Variants in MPPED2 observed in about 807,000 individuals in gnomAD.
MPPED2 encodes the protein metallophosphoesterase domain containing 2.
Under a neutral mutation model 33.0 loss-of-function variants are expected in MPPED2, and 5 were observed. The ratio of observed to expected loss-of-function variants is 0.15; its 90% CI spans 0.08 to 0.32. MPPED2 has a LOEUF of 0.32. MPPED2 is among the 10% of genes least tolerant of loss of function. The pLI is 1.00. For missense variants in MPPED2, 275 were observed against 372.1 expected, an observed-to-expected ratio of 0.74 and a Z score of 2.15; for synonymous variants, 136 against 141.9, an observed-to-expected ratio of 0.96 and a Z score of 0.29.
At chr11:30,554,380 G>A (rs1165693122) in intron 2 of MPPED2, among the ~76,000 whole-genome samples, 3 of 152,078 alleles carry the variant, frequency 2.0e-5, no homozygotes, top group Non-Finnish European at 4.4e-5. Flanking sequence ...ACAACTCCAG[G>A]GACTGCAGTA....
chr11:30,460,984 A>G (rs1006706064), intron 4 of MPPED2, among the ~76,000 whole-genome samples: 1 of 152,248 alleles, frequency 6.6e-6, no homozygotes, highest in African/African-American at 2.4e-5. Flanking sequence ...CCATGTGTCC[A>G]TTGACGAATG....
At chr11:30,519,307 C>T (rs531470929) in intron 3 of MPPED2, among the ~76,000 whole-genome samples, 1 of 151,700 alleles carries the variant, frequency 6.6e-6, no homozygotes, top group Non-Finnish European at 1.5e-5. Flanking sequence ...CGTACACACA[C>T]AAAAAAGTAT....
At chr11:30,583,855 T>G (rs1409306061) in intron 1 of MPPED2, among the ~76,000 whole-genome samples, 1 of 152,166 alleles carries the variant, frequency 6.6e-6, no homozygotes, top group Non-Finnish European at 1.5e-5. Flanking sequence ...TGCCCCAAGA[T>G]CTCCAGACCG....
chr11:30,443,812 GA>G (rs1220927718), intron 4 of MPPED2, among the ~76,000 whole-genome samples: 3 of 152,092 alleles, frequency 2.0e-5, no homozygotes, highest in Non-Finnish European at 4.4e-5. Context: ...CTCACCATAC[GA>G]ATGACTGCAT....
In MPPED2 at chr11:30,586,117, C is replaced by T. The variant is rs1448820063; in HGVS notation, c.-197G>A. The stretch of plus-strand genomic sequence containing the variant: ...GCAGGCGATCCATAGCCGAGCGGCC[C>T]GAGCCGGCTGGAGGAGCGCTGGGGG... On this transcript the variant is annotated 5_prime_UTR_variant, in exon 1 of 7. Coordinates refer to ENST00000358117, the MANE Select transcript of MPPED2 (RefSeq NM_001584.3). The surrounding 1 kb of genome is among the most constrained non-coding windows in gnomAD (Gnocchi z 4.8). The T allele has an allele frequency of 6.6e-6, 1 of 152,350 alleles. No individual in the cohort carries two copies. The highest frequency in any genetic ancestry group is 6.5e-5 in the Admixed American group (1 of 15,278). 9.4% of individuals were successfully genotyped at this position (152,350 alleles called of 1,614,324 possible). A position where few individuals can be genotyped will look rare whatever the true frequency, so the allele number is the denominator to read the frequency against.
intron 3 of MPPED2, among the ~76,000 whole-genome samples, chr11:30,533,931 C>T (rs192358609): frequency 4.1e-4 from 62 of 152,252 alleles, no homozygotes; most frequent in Non-Finnish European, 7.8e-4. Context: ...TAAATAATTC[C>T]TCTGGCCTCT....
At chr11:30,584,999 G>A (rs1957393904) in intron 1 of MPPED2, 1 of 152,394 alleles carries the variant, frequency 6.6e-6, no homozygotes, top group South Asian at 2.1e-4. Context: ...GTGTGTGAGA[G>A]GGGGGTGGTG....
intron 3 of MPPED2, among the ~76,000 whole-genome samples, chr11:30,507,960 A>G (rs1316954281): frequency 1.3e-5 from 2 of 152,084 alleles, no homozygotes; most frequent in East Asian, 3.9e-4. Flanking sequence ...GGTCTATTTT[A>G]CTTTCTACAT....
rs557286641 is a variant in MPPED2, at chr11:30,445,998, G to C, written c.537-28365C>G. Among the ~76,000 whole-genome samples, 3 of 152,324 alleles carry C rather than the reference G, an allele frequency of 2.0e-5. No homozygotes were observed. In the East Asian group the frequency reaches 5.8e-4, roughly 29 times the overall value. ...TGTCACTATTACCATCTCTAAAGTG[G>C]TGACAGTGGCATGTGTACATGTGTA... On this transcript the variant is annotated intron_variant, in intron 4 of 6. Coordinates refer to ENST00000358117, the MANE Select transcript of MPPED2 (RefSeq NM_001584.3).
chr11:30,479,835 AAGAG>A (rs1012139937), intron 4 of MPPED2, among the ~76,000 whole-genome samples: 19 of 152,140 alleles, frequency 1.2e-4, no homozygotes, highest in African/African-American at 1.9e-4. Flanking sequence ...AAATAAAAAA[AAGAG>A]AGAGAGACTG....
At chr11:30,432,514 T>G (rs1949126654) in intron 4 of MPPED2, among the ~76,000 whole-genome samples, 1 of 152,210 alleles carries the variant, frequency 6.6e-6, no homozygotes. Flanking sequence ...GAAAGGTATC[T>G]TTATGTGAGC....
At chr11:30,548,086 ACTACCTG>A (rs1955521131) in intron 2 of MPPED2, among the ~76,000 whole-genome samples, 2 of 152,220 alleles carry the variant, frequency 1.3e-5, no homozygotes, top group Admixed American at 1.3e-4. Context: ...TGGCTTTCCC[ACTACCTG>A]GGTATGACAC....
intron 5 of MPPED2, 96 bp from the exon 6 acceptor site, chr11:30,414,437 A>G (rs1948249505): frequency 1.3e-6 from 1 of 788,112 alleles, no homozygotes; most frequent in Non-Finnish European, 2.2e-6. Context: ...AAGGTTTATT[A>G]CATTATCTGT....
At chr11:30,583,185 G>A in intron 1 of MPPED2, among the ~76,000 whole-genome samples, 1 of 101,930 alleles carries the variant, frequency 9.8e-6, no homozygotes, top group African/African-American at 4.1e-5. Flanking sequence ...TCAGAGACAA[G>A]GGACAATAGA....
chr11:30,544,218 G>T (rs955199481), intron 2 of MPPED2, among the ~76,000 whole-genome samples: 2 of 152,088 alleles, frequency 1.3e-5, no homozygotes, highest in African/African-American at 4.8e-5. Context: ...ATGACATATC[G>T]CTGGGTCATA....
chr11:30,466,759 G>C (rs1242099061), intron 4 of MPPED2, among the ~76,000 whole-genome samples: 1 of 152,108 alleles, frequency 6.6e-6, no homozygotes, highest in Admixed American at 6.5e-5. Context: ...ACAGTGCTTT[G>C]TGGCCCCAAA....
intron 2 of MPPED2, among the ~76,000 whole-genome samples, chr11:30,546,196 A>G (rs1955417606): frequency 6.6e-6 from 1 of 152,250 alleles, no homozygotes; most frequent in African/African-American, 2.4e-5. Flanking sequence ...GCCTAAAACT[A>G]TTATTTTAAA....
At chr11:30,396,004 G>A (rs1485183158) in intron 6 of MPPED2, among the ~76,000 whole-genome samples, 1 of 152,042 alleles carries the variant, frequency 6.6e-6, no homozygotes, top group African/African-American at 2.4e-5. Flanking sequence ...TCCCTAACGG[G>A]CTTGAGGAGA....
At chr11:30,504,072 T>A (rs1218129203) in intron 3 of MPPED2, among the ~76,000 whole-genome samples, 2 of 152,200 alleles carry the variant, frequency 1.3e-5, no homozygotes, top group East Asian at 3.8e-4. Flanking sequence ...CTGCCTGCAA[T>A]GGGGCAGTGC....
Sources: gnomAD v4.1 joint callset for allele counts (sites outside exome capture counted in the v4.1 genomes callset) on GRCh38, gnomAD v4.1.1 for gene constraint, Gnocchi (gnomAD v3.1) non-coding constraint, MANE v1.5 for transcripts, NCBI Gene and HGNC (gene_info 2026-07-23, HGNC 2026-07-21) for gene names.